IRAG2: variants seen among roughly 807,000 people sequenced by gnomAD.
IRAG2 encodes inositol 1,4,5-triphosphate receptor associated 2.
In IRAG2, 45 loss-of-function variants were observed where a neutral mutation model predicts 69.9. That is an observed-to-expected ratio of 0.64 (90% CI 0.51 to 0.83). IRAG2 has a LOEUF of 0.83. Ranked by LOEUF, IRAG2 falls within the 40% of genes least tolerant of loss-of-function variation. The pLI is 0.00. For missense variants in IRAG2, 520 were observed against 587.0 expected (o/e 0.89, Z 1.18); for synonymous variants, 193 against 202.4 (o/e 0.95, Z 0.40).
intron 12 of IRAG2, among the ~76,000 whole-genome samples, chr12:25,033,430 A>G (rs1250423226): frequency 6.6e-6 from 1 of 152,238 alleles, no homozygotes; most frequent in Non-Finnish European, 1.5e-5. Context: ...ACGCATCTAC[A>G]TTATGCAAAT....
chr12:25,052,422 TGGA>T, upstream of IRAG2: 1 of 393,630 alleles, frequency 2.5e-6, no homozygotes, highest in Non-Finnish European at 4.4e-6. Flanking sequence ...GAAATAAAAA[TGGA>T]GGAGGAACAA....
chr12:25,060,809 C>T (rs925009212), intron 1 of IRAG2, among the ~76,000 whole-genome samples: 6 of 150,828 alleles, frequency 4.0e-5, no homozygotes, highest in African/African-American at 7.3e-5. Context: ...TACAGGCATG[C>T]GCCACCACAC....
At chr12:25,107,187 A>G (rs2140287068) in intron 21 of IRAG2, 137 bp downstream of exon 21, 2 of 435,856 alleles carry the variant, frequency 4.6e-6, no homozygotes, top group Non-Finnish European at 8.4e-6. Flanking sequence ...CAAACTTTGT[A>G]TGTCAGGTTA....
At chr12:25,067,978 T>C (rs1946097199) in intron 5 of IRAG2, among the ~76,000 whole-genome samples, 1 of 152,100 alleles carries the variant, frequency 6.6e-6, no homozygotes, top group Admixed American at 6.6e-5. Flanking sequence ...GTAGCTGGGA[T>C]TACAGGCCCT....
chr12:25,021,254 G>A (rs1019835759), intron 7 of IRAG2, among the ~76,000 whole-genome samples: 7 of 151,790 alleles, frequency 4.6e-5, no homozygotes, highest in South Asian at 2.1e-4. Context: ...ATAGGCATGA[G>A]CCACTGTGCT....
chr12:25,069,636 G>A (rs1455292451), intron 6 of IRAG2, among the ~76,000 whole-genome samples: 1 of 152,108 alleles, frequency 6.6e-6, no homozygotes, highest in African/African-American at 2.4e-5. Context: ...TAATATGAGG[G>A]CTTTCTACCC....
At chr12:25,034,737 G>A (rs1231969607) in intron 13 of IRAG2, among the ~76,000 whole-genome samples, 2 of 152,190 alleles carry the variant, frequency 1.3e-5, no homozygotes, top group Non-Finnish European at 2.9e-5. Flanking sequence ...TGACAGCTGT[G>A]ATGCCACCTT....
intron 15 of IRAG2, chr12:25,036,689 A>G (rs1420370816): frequency 2.5e-6 from 1 of 398,714 alleles, no homozygotes; most frequent in African/African-American, 2.1e-5. Flanking sequence ...AGCTTACTGT[A>G]AGTGTTTTAT....
chr12:25,078,287 C>A (rs984183549), intron 6 of IRAG2, among the ~76,000 whole-genome samples: 1 of 152,110 alleles, frequency 6.6e-6, no homozygotes. Context: ...TTCAGCAAAC[C>A]CTTAGTAAAC....
At chr12:25,006,863 G>T (rs1849061745) in intron 2 of IRAG2, among the ~76,000 whole-genome samples, 1 of 150,370 alleles carries the variant, frequency 6.7e-6, no homozygotes, top group African/African-American at 2.5e-5. Flanking sequence ...GAACCTAAAA[G>T]TTGAGAGAAA....
intron 3 of IRAG2, chr12:25,015,112 A>AAAAAAAAAAAAAAT: frequency 5.5e-6 from 2 of 361,134 alleles, no homozygotes; most frequent in Middle Eastern, 1.2e-3. Flanking sequence ...AAAAAAAAAA[A>AAAAAAAAAAAAAAT]GACAAAACTT....
At chr12:25,047,507 T>A (rs543671135), upstream of IRAG2, among the ~76,000 whole-genome samples, 11 of 152,318 alleles carry the variant, frequency 7.2e-5, no homozygotes, top group East Asian at 2.1e-3. Context: ...ATGTGCAGGT[T>A]TATTGCATAG....
upstream of IRAG2, among the ~76,000 whole-genome samples, chr12:25,000,382 G>A (rs1400090124): frequency 1.3e-5 from 2 of 152,292 alleles, no homozygotes; most frequent in East Asian, 3.9e-4. Context: ...GGGAGGTGGA[G>A]GTTCCAGTGA....
Position 25,060,700 on chromosome 12 carries a change from T to G in IRAG2, c.-446-892T>G, listed in dbSNP as rs192053537. Among the ~76,000 whole-genome samples, 13 of 131,858 alleles carry G rather than the reference T, an allele frequency of 9.9e-5. 1 individual carries two copies. The East Asian group carries it at 2.0e-3, about 20-fold the overall frequency. The allele number at this position is 131,858 out of a possible 152,430, so 86.5% of individuals were successfully genotyped here. The stretch of plus-strand genomic sequence containing the variant: ...TTTTTTTTTTTTTTTTGAGAGGGAG[T>G]CTCGCCCTGGAGTGCAGTGGCATGA... On this transcript the variant is annotated intron_variant, in intron 1 of 21. Coordinates refer to ENST00000556887, the MANE Select transcript of IRAG2 (RefSeq NM_001366544.2).
exon 3 of IRAG2, chr12:25,011,487 C>T (rs1323542208): frequency 1.3e-5 from 16 of 1,231,572 alleles, no homozygotes; most frequent in African/African-American, 1.6e-5. Context: ...GAGAGACCCA[C>T]ATGTGGACCT....
intron 9 of IRAG2, chr12:25,027,014 C>T: frequency 2.5e-6 from 1 of 406,320 alleles, no homozygotes; most frequent in Non-Finnish European, 4.1e-6. Context: ...TATATAAAAG[C>T]TAGTTTCCTT....
chr12:25,060,209 G>A lies in IRAG2; in HGVS notation c.-446-1383G>A, dbSNP rs528428787. ...TGAGTTGAAGTGTGAGGTTTGCCAC[G>A]TGAATAAAGGGCATAAATATCAGTA... On this transcript the variant is annotated intron_variant, in intron 1 of 21. Coordinates refer to ENST00000556887, the MANE Select transcript of IRAG2 (RefSeq NM_001366544.2). 4.2e-3 allele frequency among the ~76,000 whole-genome samples: 638 copies of A among 150,932 alleles called. 7 individuals are homozygous for A. The highest frequency in any genetic ancestry group is 7.4e-3 in the Non-Finnish European group (501 of 67,310).
chr12:25,088,426 C>T (rs2306701), intron 11 of IRAG2, among the ~76,000 whole-genome samples: 49,485 of 152,084 alleles, frequency 0.33, 8,268 homozygotes, highest in South Asian at 0.37. Context: ...AAATGCTATG[C>T]TCTACTGTTA....
chr12:25,001,723 G>A (rs117517672), upstream of IRAG2, among the ~76,000 whole-genome samples: 98 of 151,846 alleles, frequency 6.5e-4, no homozygotes, highest in East Asian at 0.017. Context: ...AGGGAGAAAC[G>A]GTCAACTCAC....
Sources: allele counts gnomAD v4.1 joint callset (sites outside exome capture counted in the v4.1 genomes callset), GRCh38; gene constraint gnomAD v4.1.1; transcripts MANE v1.5; gene names NCBI Gene and HGNC (gene_info 2026-07-23, HGNC 2026-07-21).